Variants in CLPB observed in about 807,000 individuals in gnomAD.
CLPB encodes mitochondrial disaggregase.
A neutral mutation model predicts 78.4 loss-of-function variants in CLPB; 40 were observed. The ratio of observed to expected loss-of-function variants is 0.51; its 90% CI spans 0.40 to 0.66. CLPB has a LOEUF of 0.66. Among genes scored for constraint, CLPB ranks in the 30% least tolerant of loss-of-function variants. The probability of loss-of-function intolerance (pLI) is 0.00; values close to 1 mark genes in which losing one functional copy is unlikely to be tolerated. For synonymous variants in CLPB, 333 were observed against 348.0 expected (o/e 0.96, Z 0.48); for missense variants, 780 against 886.9 (o/e 0.88, Z 1.53).
intron 2 of CLPB, among the ~76,000 whole-genome samples, chr11:72,424,894 C>A (rs945496893): frequency 6.6e-6 from 1 of 151,108 alleles, no homozygotes; most frequent in Admixed American, 6.6e-5. Flanking sequence ...TCAAAAAAAA[C>A]AAAACAAAAC....
chr11:72,297,841 A>C (rs1339662635), intron 11 of CLPB, among the ~76,000 whole-genome samples: 1 of 152,100 alleles, frequency 6.6e-6, no homozygotes, highest in East Asian at 1.9e-4. Flanking sequence ...CAGAGATCAA[A>C]GCTCTGCTCA....
chr11:72,314,186 G>T (rs1281869601), intron 7 of CLPB, among the ~76,000 whole-genome samples: 1 of 152,184 alleles, frequency 6.6e-6, no homozygotes, highest in Non-Finnish European at 1.5e-5. Flanking sequence ...TGGCAGAGCC[G>T]AACACATGAG....
At chr11:72,324,481 G>A (rs1477474611) in intron 6 of CLPB, among the ~76,000 whole-genome samples, 1 of 152,020 alleles carries the variant, frequency 6.6e-6, no homozygotes, top group Admixed American at 6.6e-5. Flanking sequence ...CAGGAGAATC[G>A]CTTGAATCTG....
chr11:72,342,239 G>A (rs1161861324), intron 5 of CLPB, among the ~76,000 whole-genome samples: 3 of 152,110 alleles, frequency 2.0e-5, no homozygotes, highest in Non-Finnish European at 2.9e-5. Context: ...TTTGTTCTAC[G>A]GAAAATAGGT....
chr11:72,293,161 C>T lies in CLPB; in HGVS notation c.*206G>A. The T allele has an allele frequency of 1.7e-6, 1 of 600,046 alleles. No homozygotes were observed. The highest frequency in any genetic ancestry group is 2.9e-6 in the Non-Finnish European group (1 of 345,490). The allele number at this position is 600,046 out of a possible 1,614,324, so 37.2% of individuals were successfully genotyped here. ...TGAAGGCTTGTTAGCAGGTTATGGG[C>T]CCACAACAAAGGGGCCAGAGTAGGG... On this transcript the variant is annotated 3_prime_UTR_variant, in exon 16 of 16. Transcript: ENST00000538039.
intron 5 of CLPB, among the ~76,000 whole-genome samples, chr11:72,350,506 T>G (rs1950595300): frequency 1.3e-5 from 2 of 152,256 alleles, no homozygotes; most frequent in African/African-American, 4.8e-5. Context: ...AATAATTAGC[T>G]GGTAATTTTG....
chr11:72,295,878 G>C (rs1258411862), intron 11 of CLPB, among the ~76,000 whole-genome samples: 2 of 152,220 alleles, frequency 1.3e-5, no homozygotes, highest in Non-Finnish European at 2.9e-5. Flanking sequence ...GTGCCTCCAG[G>C]TGAGGCTGCA....
chr11:72,374,309 C>T (rs1340600274), intron 4 of CLPB, among the ~76,000 whole-genome samples: 1 of 152,178 alleles, frequency 6.6e-6, no homozygotes, highest in Non-Finnish European at 1.5e-5. Context: ...TACTATGTTA[C>T]AGATGAGAAA....
chr11:72,302,144 A>G, intron 10 of CLPB, 160 bp downstream of exon 10: 1 of 964,632 alleles, frequency 1.0e-6, no homozygotes, highest in East Asian at 2.5e-5. Flanking sequence ...TTCAGAGCAA[A>G]TCCTATGTGA....
chr11:72,370,713 A>G (rs1951025981), intron 4 of CLPB, among the ~76,000 whole-genome samples: 1 of 152,168 alleles, frequency 6.6e-6, no homozygotes, highest in African/African-American at 2.4e-5. Context: ...ACTCTGCCTT[A>G]GTTTCCTTTA....
At chr11:72,432,677 G>A (rs1400910517) in intron 1 of CLPB, among the ~76,000 whole-genome samples, 1 of 152,214 alleles carries the variant, frequency 6.6e-6, no homozygotes, top group African/African-American at 2.4e-5. Flanking sequence ...GATGCCCTTA[G>A]TGTCTATTTC....
intron 4 of CLPB, among the ~76,000 whole-genome samples, chr11:72,374,062 G>A (rs1951095146): frequency 6.6e-6 from 1 of 151,696 alleles, no homozygotes; most frequent in South Asian, 2.1e-4. Context: ...CCGGAGGCCA[G>A]ATAATCCAAT....
intron 3 of CLPB, among the ~76,000 whole-genome samples, chr11:72,392,884 G>A (rs1257205044): frequency 1.3e-5 from 2 of 152,192 alleles, no homozygotes; most frequent in Non-Finnish European, 2.9e-5. Context: ...CCATCCATTA[G>A]TCTGTCTTCT....
At chr11:72,334,987 T>C (rs996326017) in intron 5 of CLPB, among the ~76,000 whole-genome samples, 1 of 152,274 alleles carries the variant, frequency 6.6e-6, no homozygotes, top group Non-Finnish European at 1.5e-5. Flanking sequence ...AATATGTTTC[T>C]GTCAGTGGTA....
Position 72,434,292 on chromosome 11 carries a change from G to A in CLPB, c.183C>T (p.Ala61=), listed in dbSNP as rs761231236. ...TGGCTGCCCCACGTCCGGAGAACAA[G>A]GCCGGCGATGTTCCAGGGCGCCCCC... The part of the protein sequence containing the change: ...ATGGRPGTSP[A]LFSGRGAATG... The change falls in exon 1 of 16, where the codon GCC becomes GCT. Residue 61 remains alanine, a synonymous_variant. Transcript: ENST00000538039. The A allele has an allele frequency of 1.9e-6, 3 of 1,612,260 alleles. No homozygotes were observed. The highest frequency in any genetic ancestry group is 2.5e-6 in the Non-Finnish European group (3 of 1,179,532).
At chr11:72,426,552 A>C (rs1263630856) in intron 2 of CLPB, among the ~76,000 whole-genome samples, 1 of 140,232 alleles carries the variant, frequency 7.1e-6, no homozygotes, top group Non-Finnish European at 1.6e-5. Context: ...GAAGGGAGGG[A>C]GGGAGGGAGC....
At chr11:72,404,170 T>C (rs920686152) in intron 2 of CLPB, among the ~76,000 whole-genome samples, 1 of 152,224 alleles carries the variant, frequency 6.6e-6, no homozygotes, top group Non-Finnish European at 1.5e-5. Context: ...ACTACACTGA[T>C]GTCAGTGAAT....
intron 3 of CLPB, among the ~76,000 whole-genome samples, chr11:72,398,683 G>A (rs1320827640): frequency 6.6e-6 from 1 of 152,250 alleles, no homozygotes; most frequent in East Asian, 1.9e-4. Context: ...GACTGGGTCA[G>A]AGTGCAATAT....
At chr11:72,359,102 C>A (rs1257444605) in intron 4 of CLPB, 94 bp from the exon 5 acceptor site, 1 of 1,581,032 alleles carries the variant, frequency 6.3e-7, no homozygotes, top group South Asian at 1.1e-5. Flanking sequence ...TTCACTCACT[C>A]ATCTACCTAC....
Sources: allele counts gnomAD v4.1 joint callset (sites outside exome capture counted in the v4.1 genomes callset), GRCh38; gene constraint gnomAD v4.1.1; transcripts MANE v1.5; gene names NCBI Gene and HGNC (gene_info 2026-07-23, HGNC 2026-07-21).